TANC1: variants seen among roughly 807,000 people sequenced by gnomAD.
The protein encoded by TANC1 is tetratricopeptide repeat, ankyrin repeat and coiled-coil containing 1.
In TANC1, 77 loss-of-function variants were observed where a neutral mutation model predicts 149.7. The ratio of observed to expected loss-of-function variants is 0.51; its 90% CI spans 0.43 to 0.62. TANC1 has a LOEUF of 0.62. Ranked by LOEUF, TANC1 falls within the 20% of genes least tolerant of loss-of-function variation. TANC1 has a pLI of 0.00. For synonymous variants in TANC1, 854 were observed against 925.0 expected, an observed-to-expected ratio of 0.92 and a Z score of 1.39; for missense variants, 1,985 against 2,321.8, an observed-to-expected ratio of 0.85 and a Z score of 2.98.
At position 159,196,688 on chromosome 2, in the gene TANC1, G is replaced by A; in HGVS notation, c.3060G>A (p.Leu1020=). Residue 1020 remains leucine, a synonymous_variant, in exon 18 of 27, where the codon CTG becomes CTA. Transcript: ENST00000263635. ...LRGHGDILQY[L]LTCEWSPGPP... ...GCCACGGTGACATTCTCCAGTACCT[G>A]CTGACTTGTGAGTGGTCGCCGGGTC... 1 of 1,614,060 alleles carries A rather than the reference G, an allele frequency of 6.2e-7. No homozygotes were observed. Among genetic ancestry groups the A allele is most frequent in the Non-Finnish European group, 8.5e-7 (1 of 1,179,996 alleles).
intron 7 of TANC1, among the ~76,000 whole-genome samples, chr2:159,159,717 TGA>T (rs56101796): frequency 0.22 from 25,410 of 113,996 alleles, 2,908 homozygotes; most frequent in Middle Eastern, 0.35. Context: ...TGTGTGTGTG[TGA>T]GAGAGAGAGA....
Position 159,231,200 on chromosome 2 carries a change from G to T in TANC1, c.*188G>T, listed in dbSNP as rs2060318562. On this transcript the variant is annotated 3_prime_UTR_variant, in exon 27 of 27. Transcript: ENST00000263635. ...AATAGCTAGAAATCACCATAAATAA[G>T]AATGCTAAACAGAATTGAAAATTAT... 3.7e-6 allele frequency: 2 copies of T among 538,762 alleles called. No homozygotes were observed. Among genetic ancestry groups the T allele is most frequent in the East Asian group, 6.0e-5 (2 of 33,340 alleles). The allele number at this position is 538,762 out of a possible 1,614,324, so 33.4% of individuals were successfully genotyped here.
intron 14 of TANC1, among the ~76,000 whole-genome samples, 194 bp from the exon 15 acceptor site, chr2:159,185,597 C>CA (rs2056895302): frequency 6.6e-6 from 1 of 152,172 alleles, no homozygotes; most frequent in African/African-American, 2.4e-5. Context: ...TCCAGAAACA[C>CA]ATTTGAGTGT....
At chr2:159,153,701 T>TTTTTTTTTTTTTTTTTTTTG (rs2053110172) in intron 7 of TANC1, among the ~76,000 whole-genome samples, 1 of 152,200 alleles carries the variant, frequency 6.6e-6, no homozygotes, top group African/African-American at 2.4e-5. Context: ...AGCTTCCTTT[T>TTTTTTTTTTTTTTTTTTTTG]AAATCAATAC....
chr2:158,992,837 G>A (rs148521764), intron 1 of TANC1, among the ~76,000 whole-genome samples: 26 of 152,180 alleles, frequency 1.7e-4, no homozygotes, highest in African/African-American at 6.0e-4. Flanking sequence ...TATATTTCAT[G>A]CATTTCCCCA....
Position 159,136,233 on chromosome 2 carries a change from T to C in TANC1, c.299T>C (p.Val100Ala), listed in dbSNP as rs530360043. Residue 100 changes from valine to alanine, a missense_variant, in exon 5 of 27, where the codon GTG becomes GCG. Around this residue, in one of 3 missense-constraint regions of TANC1, gnomAD observed 557 missense variants for 612.9 expected, o/e 0.91. Coordinates refer to ENST00000263635, the MANE Select transcript of TANC1 (RefSeq NM_033394.3). Reference protein sequence around the residue: ...RKPKYVESPRVPGDAVIMPFR... With the variant: ...RKPKYVESPRAPGDAVIMPFR... The stretch of plus-strand genomic sequence containing the variant: ...CCCAAGTATGTGGAAAGCCCCAGAG[T>C]GCCTGGAGATGCAGTTATAATGCCA... 4.3e-6 allele frequency: 7 copies of C among 1,613,398 alleles called. No homozygotes were observed. Among genetic ancestry groups the C allele is most frequent in the African/African-American group, 4.0e-5 (3 of 74,944 alleles).
intron 3 of TANC1, among the ~76,000 whole-genome samples, chr2:159,094,448 C>T (rs183013160): frequency 2.0e-5 from 3 of 152,248 alleles, no homozygotes; most frequent in Admixed American, 2.0e-4. Context: ...TGCTTGCATT[C>T]TCAGTGTGAG....
chr2:159,161,555 C>G (rs1445945115), intron 7 of TANC1, among the ~76,000 whole-genome samples: 1 of 152,138 alleles, frequency 6.6e-6, no homozygotes, highest in East Asian at 1.9e-4. Context: ...TAAATTAGAC[C>G]ACTCCTGAAA....
chr2:159,111,247 T>C (rs114146245), intron 4 of TANC1, among the ~76,000 whole-genome samples: 50 of 152,322 alleles, frequency 3.3e-4, no homozygotes, highest in African/African-American at 1.1e-3. Flanking sequence ...TTCATGAAGC[T>C]GATGGAGAGT....
At chr2:159,124,374 C>T (rs966746097) in intron 4 of TANC1, among the ~76,000 whole-genome samples, 1 of 151,994 alleles carries the variant, frequency 6.6e-6, no homozygotes, top group Non-Finnish European at 1.5e-5. Flanking sequence ...AGTGGGGCAT[C>T]GGAATCACTC....
rs1204052890 is a variant in TANC1 at position 159,066,694 on chromosome 2, T to A, written c.61+723T>A. On this transcript the variant is annotated intron_variant, in intron 3 of 26. Coordinates refer to ENST00000263635, the MANE Select transcript of TANC1 (RefSeq NM_033394.3). ...TGACTGGTCCTCATCTTTTGGAGTA[T>A]CAAATTTTACTCCTAACAGGTGGAG... Among the ~76,000 whole-genome samples the A allele has an allele frequency of 2.0e-5, 3 of 152,214 alleles. No homozygotes were observed. The East Asian group carries it at 5.8e-4, about 29-fold the overall frequency.
chr2:159,023,005 G>A (rs181874245), intron 2 of TANC1, among the ~76,000 whole-genome samples: 4 of 152,126 alleles, frequency 2.6e-5, no homozygotes, highest in Non-Finnish European at 5.9e-5. Context: ...GCCTAAGAGG[G>A]CACATGGTTT....
chr2:159,191,395 C>G (rs2057431721), intron 16 of TANC1, among the ~76,000 whole-genome samples: 1 of 152,172 alleles, frequency 6.6e-6, no homozygotes, highest in Non-Finnish European at 1.5e-5. Flanking sequence ...AGGGTACCCT[C>G]TCCCCCATGT....
At position 159,231,086 on chromosome 2, in the gene TANC1, C is replaced by G; in HGVS notation, c.*74C>G. The G allele has an allele frequency of 8.0e-7, 1 of 1,248,910 alleles. No individual in the cohort carries two copies. Among genetic ancestry groups the G allele is most frequent in the Non-Finnish European group, 1.1e-6 (1 of 908,982 alleles). The allele number at this position is 1,248,910 out of a possible 1,614,324, so 77.4% of individuals were successfully genotyped here. A position where few individuals can be genotyped will look rare whatever the true frequency, so the allele number is the denominator to read the frequency against. On this transcript the variant is annotated 3_prime_UTR_variant, in exon 27 of 27. Transcript: ENST00000263635. The stretch of plus-strand genomic sequence containing the variant: ...TGGTGGTAAATTAAATAGTTTTTTT[C>G]ATCAGAAAAATTATTTTTTAGCCAT...
intron 3 of TANC1, among the ~76,000 whole-genome samples, chr2:159,077,551 A>G (rs1174605239): frequency 6.6e-6 from 1 of 152,226 alleles, no homozygotes; most frequent in East Asian, 1.9e-4. Flanking sequence ...CAATACATAT[A>G]TCGATCCTTA....
intron 4 of TANC1, among the ~76,000 whole-genome samples, chr2:159,118,741 C>T (rs2048553393): frequency 1.3e-5 from 2 of 152,168 alleles, no homozygotes; most frequent in South Asian, 4.1e-4. Flanking sequence ...CAGGGCTGTG[C>T]ATCTGAATCA....
rs772091642 is a variant in TANC1, at chr2:159,186,822, A to C, written c.2620-80A>C. On this transcript the variant is annotated intron_variant, in intron 15 of 26. Coordinates refer to ENST00000263635, the MANE Select transcript of TANC1 (RefSeq NM_033394.3). ...CCCTCTGCGGCAGACCCACTTTCAG[A>C]GTGACCCTGCAGGTGGGAAGGAGAT... 2.5e-6 allele frequency: 4 copies of C among 1,581,690 alleles called. No homozygotes were observed. The Admixed American group carries it at 5.1e-5, about 20-fold the overall frequency.
At chr2:158,979,535 A>T (rs965098585) in intron 1 of TANC1, among the ~76,000 whole-genome samples, 1 of 151,994 alleles carries the variant, frequency 6.6e-6, no homozygotes, top group African/African-American at 2.4e-5. Flanking sequence ...TACCGTTTTC[A>T]TAAAGATGGG....
At chr2:159,126,411 G>T (rs895201137) in intron 4 of TANC1, among the ~76,000 whole-genome samples, 3 of 152,068 alleles carry the variant, frequency 2.0e-5, no homozygotes, top group African/African-American at 7.2e-5. Flanking sequence ...TTATATTTGG[G>T]TCACACACAG....
Sources: gnomAD v4.1 joint callset for allele counts (sites outside exome capture counted in the v4.1 genomes callset) on GRCh38, gnomAD v4.1.1 for gene constraint, gnomAD v4.1.1 regional missense constraint, MANE v1.5 for transcripts, NCBI Gene and HGNC (gene_info 2026-07-23, HGNC 2026-07-21) for gene names.